Variants in ABCC8 observed in about 807,000 individuals in gnomAD.
ABCC8 encodes ATP binding cassette subfamily C member 8, also known as ATP-binding cassette sub-family C member 8.
Under a neutral mutation model 188.0 loss-of-function variants are expected in ABCC8, and 137 were observed. The ratio of observed to expected loss-of-function variants is 0.73; its 90% confidence interval spans 0.63 to 0.84. ABCC8 has a LOEUF of 0.84. Among genes scored for constraint, ABCC8 ranks in the 40% least tolerant of loss-of-function variants. ABCC8 has a pLI of 0.00. For missense variants in ABCC8, 1,750 were observed against 2,072.7 expected (o/e 0.84, Z 3.02); for synonymous variants, 797 against 846.5 (o/e 0.94, Z 1.01).
intron 10 of ABCC8, among the ~76,000 whole-genome samples, chr11:17,433,989 C>G (rs1955966988): frequency 6.6e-6 from 1 of 152,150 alleles, no homozygotes. Context: ...GCAAAAGGGA[C>G]CCAGATCTAG....
In ABCC8 at chr11:17,427,359, C is replaced by T. The variant is rs922957650; in HGVS notation, c.2117-205G>A. On this transcript the variant is annotated intron_variant, in intron 15 of 38. Coordinates refer to ENST00000389817, the MANE Select transcript of ABCC8 (RefSeq NM_000352.6). The surrounding 1 kb of genome is among the most constrained non-coding windows in gnomAD (Gnocchi z 5.0). ...CCTCTGGCTCCCCAGGTCCTTCCCCCTCTCTGATTTCCTGCCCCGCCACCC... is the reference window on the plus strand; with the variant it reads ...CCTCTGGCTCCCCAGGTCCTTCCCCTTCTCTGATTTCCTGCCCCGCCACCC... The T allele has an allele frequency of 1.6e-5, 10 of 618,574 alleles. 1 individual carries two copies. Among genetic ancestry groups the T allele is most frequent in the Admixed American group, 6.3e-5 (1 of 15,826 alleles). The allele number at this position is 618,574 out of a possible 1,614,324, so 38.3% of individuals were successfully genotyped here. A position where few individuals can be genotyped will look rare whatever the true frequency, so the allele number is the denominator to read the frequency against.
chr11:17,393,814 C>T lies in ABCC8; in HGVS notation c.4546-55G>A, dbSNP rs1177439244. The stretch of plus-strand genomic sequence containing the variant: ...CACCTGCCCAGTGGATGGGGTCTGG[C>T]CTGGCTTGGGGGATGTGGAGCCCAG... On this transcript the variant is annotated intron_variant, in intron 37 of 38. Coordinates refer to ENST00000389817, the MANE Select transcript of ABCC8 (RefSeq NM_000352.6). 5.4e-5 allele frequency: 87 copies of T among 1,613,890 alleles called. 1 individual carries two copies. Among genetic ancestry groups the T allele is most frequent in the Middle Eastern group, 1.6e-4 (1 of 6,078 alleles).
Position 17,408,834 on chromosome 11 carries a change from C to T in ABCC8, c.2695-317G>A, listed in dbSNP as rs560552611. Among the ~76,000 whole-genome samples, 39 of 152,324 alleles carry T rather than the reference C, an allele frequency of 2.6e-4. No individual in the cohort carries two copies. The East Asian group carries it at 6.6e-3, about 26-fold the overall frequency. On this transcript the variant is annotated intron_variant, in intron 22 of 38. Coordinates refer to ENST00000389817, the MANE Select transcript of ABCC8 (RefSeq NM_000352.6). ...CAGCGGCCGTCATACACTAAGTGGG[C>T]TCATTGTACACTACCCTTAGCTCCT...
At chr11:17,420,450 TG>T (rs1955286964) in intron 16 of ABCC8, among the ~76,000 whole-genome samples, 1 of 152,206 alleles carries the variant, frequency 6.6e-6, no homozygotes, top group African/African-American at 2.4e-5. Context: ...TTCTCCTGTC[TG>T]TCAGCTGTCT....
At chr11:17,412,949 A>G in intron 20 of ABCC8, 1 of 1,189,194 alleles carries the variant, frequency 8.4e-7, no homozygotes, top group Non-Finnish European at 1.2e-6. Flanking sequence ...AAGTCTTTAA[A>G]GATTCATTGT....
rs72559429 is a variant in ABCC8 at position 17,476,834 on chromosome 11, T to A, written c.-58A>T. The stretch of plus-strand genomic sequence containing the variant: ...GCTGGCTCCGCTGGCTCCGCGCGCC[T>A]GCCGCGCCTCTGTCCCTTGCAGCTC... On this transcript the variant is annotated 5_prime_UTR_variant, in exon 1 of 39. Coordinates refer to ENST00000389817, the MANE Select transcript of ABCC8 (RefSeq NM_000352.6). 64 of 1,435,326 alleles carry A rather than the reference T, an allele frequency of 4.5e-5. No homozygotes were observed. Among genetic ancestry groups the A allele is most frequent in the Non-Finnish European group, 5.5e-5 (60 of 1,097,410 alleles). The allele number at this position is 1,435,326 out of a possible 1,614,324, so 88.9% of individuals were successfully genotyped here. A position where few individuals can be genotyped will look rare whatever the true frequency, so the allele number is the denominator to read the frequency against.
chr11:17,471,718 C>T (rs986030536), intron 2 of ABCC8, among the ~76,000 whole-genome samples: 2 of 152,202 alleles, frequency 1.3e-5, no homozygotes, highest in African/African-American at 4.8e-5. Flanking sequence ...TAGGCAGCCA[C>T]CTTGTGACCA....
chr11:17,428,118 G>A, intron 14 of ABCC8, 171 bp downstream of exon 14: 1 of 1,565,226 alleles, frequency 6.4e-7, no homozygotes, highest in Non-Finnish European at 8.7e-7. Flanking sequence ...CTTGCCTAAG[G>A]CTGGGGGTCC....
chr11:17,402,668 C>G lies in ABCC8; in HGVS notation c.3643G>C (p.Ala1215Pro). 2 of 1,614,214 alleles carry G rather than the reference C, an allele frequency of 1.2e-6. No homozygotes were observed. Among genetic ancestry groups the G allele is most frequent in the South Asian group, 2.2e-5 (2 of 91,082 alleles). ...GGGAATGTGGACTCGTACCTGAAGGCCCGGATGGTGGTGAGTCCTTCTACG... is the reference window on the plus strand; with the variant it reads ...GGGAATGTGGACTCGTACCTGAAGGGCCGGATGGTGGTGAGTCCTTCTACG... Reference protein sequence around the residue: ...ETVEGLTTIRAFRYEARFQQK... With the variant: ...ETVEGLTTIRPFRYEARFQQK... The change falls in exon 29 of 39, where the codon GCC becomes CCC. Residue 1215 changes from alanine to proline, a missense_variant. Ala to Pro is a conservative substitution (Grantham distance 27, BLOSUM62 -1). Transcript: ENST00000389817.
chr11:17,459,562 G>A (rs1289885680), intron 6 of ABCC8, among the ~76,000 whole-genome samples: 1 of 152,190 alleles, frequency 6.6e-6, no homozygotes, highest in Non-Finnish European at 1.5e-5. Context: ...CGCAAAGGGT[G>A]TCATAAATTA....
Position 17,474,646 on chromosome 11 carries a change from C to G in ABCC8, c.290+240G>C, listed in dbSNP as rs562491058. On this transcript the variant is annotated intron_variant, in intron 2 of 38. Transcript: ENST00000389817. ...TCTAATAGGCTCTAGCATTATTTCACTGGGACTTGGCATGCAGGTCCGTGT... is the reference window on the plus strand; with the variant it reads ...TCTAATAGGCTCTAGCATTATTTCAGTGGGACTTGGCATGCAGGTCCGTGT... Among the ~76,000 whole-genome samples, 49 of 152,074 alleles carry G rather than the reference C, an allele frequency of 3.2e-4. No individual in the cohort carries two copies. In the South Asian group the frequency reaches 9.1e-3, roughly 28 times the overall value.
Position 17,443,416 on chromosome 11 carries a change from C to A in ABCC8, c.1333-104G>T, listed in dbSNP as rs561224909. 12 of 1,591,578 alleles carry A rather than the reference C, an allele frequency of 7.5e-6. No homozygotes were observed. In the South Asian group the frequency reaches 1.2e-4, roughly 16 times the overall value. On this transcript the variant is annotated intron_variant, in intron 8 of 38. Coordinates refer to ENST00000389817, the MANE Select transcript of ABCC8 (RefSeq NM_000352.6). ...CCCAGTCCCCTAGAGTGGGACAAGC[C>A]TTGGTGCCCAGGTTTCCAAATTATC...
rs1564905762 is a variant in ABCC8, at chr11:17,414,641, C to CA, written c.2292-32_2292-31insT. On this transcript the variant is annotated intron_variant, in intron 18 of 38. Coordinates refer to ENST00000389817, the MANE Select transcript of ABCC8 (RefSeq NM_000352.6). ...AAAAGCAGGGCGGGAGTAGGGGGTG[C>CA]GGAAGGCATTCTCAGGGGCTTGTTC... 7.4e-6 allele frequency: 12 copies of CA among 1,613,246 alleles called. No individual in the cohort carries two copies. The East Asian group carries it at 8.9e-5, about 12-fold the overall frequency.
chr11:17,395,969 G>A (rs946139506), intron 33 of ABCC8, 39 bp from the exon 34 acceptor site: 3 of 1,553,964 alleles, frequency 1.9e-6, no homozygotes, highest in South Asian at 2.4e-5. Context: ...TGGGACTCTG[G>A]GGCTGCTGGG....
chr11:17,462,885 A>G (rs1847912022), intron 4 of ABCC8, among the ~76,000 whole-genome samples: 1 of 152,170 alleles, frequency 6.6e-6, no homozygotes, highest in African/African-American at 2.4e-5. Flanking sequence ...AAACCTGAAT[A>G]GGTATTTATT....
chr11:17,396,834 C>T (rs1953953765), intron 33 of ABCC8, 82 bp downstream of exon 33: 2 of 1,568,766 alleles, frequency 1.3e-6, no homozygotes, highest in Admixed American at 1.7e-5. Flanking sequence ...CACGAGGTGA[C>T]TGCGAAGCCA....
chr11:17,413,481 G>T lies in ABCC8; in HGVS notation c.2391-3C>A. 6 of 1,613,794 alleles carry T rather than the reference G, an allele frequency of 3.7e-6. No homozygotes were observed. Among genetic ancestry groups the T allele is most frequent in the Non-Finnish European group, 5.1e-6 (6 of 1,180,034 alleles). On this transcript the variant is annotated splice_region_variant and splice_polypyrimidine_tract_variant and intron_variant, in intron 19 of 38. Transcript: ENST00000389817. The stretch of plus-strand genomic sequence containing the variant: ...AGGCTTCAATGACCATCTTGTACCT[G>T]GCGTGGGTAGAGGCAGGGGATGCAG...
intron 7 of ABCC8, among the ~76,000 whole-genome samples, chr11:17,450,619 G>C (rs548322129): frequency 7.0e-6 from 1 of 142,598 alleles, no homozygotes; most frequent in South Asian, 2.2e-4. Flanking sequence ...GGATGGTCTC[G>C]ATCTCCTGAC....
chr11:17,413,840 G>C (rs1755490140), intron 19 of ABCC8, among the ~76,000 whole-genome samples: 1 of 152,120 alleles, frequency 6.6e-6, no homozygotes, highest in African/African-American at 2.4e-5. Flanking sequence ...AATGATGATG[G>C]CTGGTCAAAT....
Sources: allele counts gnomAD v4.1 joint callset (sites outside exome capture counted in the v4.1 genomes callset), GRCh38; gene constraint gnomAD v4.1.1; non-coding constraint Gnocchi (gnomAD v3.1); transcripts MANE v1.5; gene names NCBI Gene and HGNC (gene_info 2026-07-23, HGNC 2026-07-21).